Variants in EIF5A2 observed in about 807,000 individuals in gnomAD.
EIF5A2 encodes the protein eukaryotic translation initiation factor 5A2, also known as eukaryotic translation initiation factor 5A-2.
In EIF5A2, 15 loss-of-function variants were observed where a neutral mutation model predicts 16.4. The observed-to-expected ratio is 0.92, with a 90% confidence interval of 0.61 to 1.41. The LOEUF is 1.41. EIF5A2 is among the 40% of genes most tolerant of loss of function. EIF5A2 has a pLI of 0.00. For synonymous variants in EIF5A2, 48 were observed against 61.1 expected (o/e 0.79, Z 1.00); for missense variants, 144 against 189.5 (o/e 0.76, Z 1.41).
rs1446685013 is a variant in EIF5A2, at chr3:170,890,584, G to A, written c.*2776C>T. 2.0e-5 allele frequency: 3 copies of A among 152,092 alleles called. No homozygotes were observed. Among genetic ancestry groups the A allele is most frequent in the Non-Finnish European group, 4.4e-5 (3 of 67,954 alleles). The allele number at this position is 152,092 out of a possible 1,614,324, so 9.4% of individuals were successfully genotyped here. On this transcript the variant is annotated 3_prime_UTR_variant, in exon 5 of 5. Coordinates refer to ENST00000295822, the MANE Select transcript of EIF5A2 (RefSeq NM_020390.6). ...TATGATCTATGTTGTAGCAAATAAG[G>A]TATAACAAAGTCTTCACAGTATAAA...
chr3:170,907,391 CTAAA>C (rs1445151079), intron 2 of EIF5A2, among the ~76,000 whole-genome samples: 1 of 152,056 alleles, frequency 6.6e-6, no homozygotes. Flanking sequence ...CATCTGTAAA[CTAAA>C]TAGATCTTAT....
chr3:170,896,709 C>G (rs915915965), intron 3 of EIF5A2, among the ~76,000 whole-genome samples: 1 of 152,032 alleles, frequency 6.6e-6, no homozygotes. Flanking sequence ...TGAAAAAGGA[C>G]TAATACAGAA....
At chr3:170,902,398 CTTTTTTTTTTTTTT>C (rs36044967) in intron 3 of EIF5A2, among the ~76,000 whole-genome samples, 1 of 91,378 alleles carries the variant, frequency 1.1e-5, no homozygotes, top group African/African-American at 4.9e-5. Context: ...GCCATTCAGC[CTTTTTTTTTTTTTT>C]TTTTTTTTTT....
rs1265203843 is a variant in EIF5A2 at position 170,892,907 on chromosome 3, G to C, written c.*453C>G. On this transcript the variant is annotated 3_prime_UTR_variant, in exon 5 of 5. Transcript: ENST00000295822. ...GATTTGTGTTTGCCCTACACAGGCT[G>C]AAAGTGCAACAATTCCAATATATAA... The C allele has an allele frequency of 5.0e-6, 2 of 398,946 alleles. No individual in the cohort carries two copies. Among genetic ancestry groups the C allele is most frequent in the Non-Finnish European group, 8.8e-6 (2 of 226,180 alleles). The allele number at this position is 398,946 out of a possible 1,614,324, so 24.7% of individuals were successfully genotyped here.
Position 170,894,417 on chromosome 3 carries a change from A to C in EIF5A2, c.277T>G (p.Cys93Gly), listed in dbSNP as rs752252330. The change falls in exon 4 of 5, where the codon TGC becomes GGC. Residue 93 changes from cysteine to glycine, a missense_variant. Cys to Gly is a radical substitution (Grantham distance 159). Transcript: ENST00000295822. ...NIKRNDYQLI[C>G]IQDGYLSLLT... ...AGGGAAAGGTAACCATCTTGAATGC[A>C]TATCAGCTATTAGAAGAAATTATAT... 3.7e-6 allele frequency: 6 copies of C among 1,613,860 alleles called. No individual in the cohort carries two copies. In the South Asian group the frequency reaches 5.5e-5, roughly 15 times the overall value.
In EIF5A2 at chr3:170,891,550, TTC is replaced by T. The variant is rs1025037150; in HGVS notation, c.*1808_*1809del. On this transcript the variant is annotated 3_prime_UTR_variant, in exon 5 of 5. Transcript: ENST00000295822. ...AATTAAGCAACTAAAACTTGGGATC[TTC>T]TGTTACTAATGCTATTTCCAGTCAC... 2 of 145,774 alleles carry T rather than the reference TTC, an allele frequency of 1.4e-5. No individual in the cohort carries two copies. Among genetic ancestry groups the T allele is most frequent in the African/African-American group, 4.9e-5 (2 of 41,150 alleles). 9.0% of individuals were successfully genotyped at this position (145,774 alleles called of 1,614,324 possible). A position where few individuals can be genotyped will look rare whatever the true frequency, so the allele number is the denominator to read the frequency against.
In EIF5A2 at chr3:170,891,962, A is replaced by C. The variant is rs1712545095; in HGVS notation, c.*1398T>G. 1 of 152,652 alleles carries C rather than the reference A, an allele frequency of 6.6e-6. No individual in the cohort carries two copies. Among genetic ancestry groups the C allele is most frequent in the Admixed American group, 6.5e-5 (1 of 15,276 alleles). The allele number at this position is 152,652 out of a possible 1,614,324, so 9.5% of individuals were successfully genotyped here. A position where few individuals can be genotyped will look rare whatever the true frequency, so the allele number is the denominator to read the frequency against. On this transcript the variant is annotated 3_prime_UTR_variant, in exon 5 of 5. Coordinates refer to ENST00000295822, the MANE Select transcript of EIF5A2 (RefSeq NM_020390.6). The stretch of plus-strand genomic sequence containing the variant: ...ATCAGAAAAAATGCATATACTTAAA[A>C]TAACTTAACTTAAATAATAATATTC...
chr3:170,897,374 C>G lies in EIF5A2; in HGVS notation c.271-2951G>C, dbSNP rs1229471376. Among the ~76,000 whole-genome samples, 3 of 152,296 alleles carry G rather than the reference C, an allele frequency of 2.0e-5. No homozygotes were observed. The East Asian group carries it at 5.8e-4, about 29-fold the overall frequency. ...GCATTCCAGATATCTTCATGGCATCCCCTCCCAACACAGGTCCAGAGGCCT... is the reference window on the plus strand; with the variant it reads ...GCATTCCAGATATCTTCATGGCATCGCCTCCCAACACAGGTCCAGAGGCCT... On this transcript the variant is annotated intron_variant, in intron 3 of 4. Transcript: ENST00000295822.
At chr3:170,899,398 A>AT (rs938167081) in intron 3 of EIF5A2, among the ~76,000 whole-genome samples, 49 of 150,104 alleles carry the variant, frequency 3.3e-4, no homozygotes, top group African/African-American at 1.0e-3. Context: ...GCCTGTTGGG[A>AT]TTTTTTTTAT....
intron 3 of EIF5A2, among the ~76,000 whole-genome samples, chr3:170,901,599 G>A (rs577879275): frequency 6.8e-6 from 1 of 146,698 alleles, no homozygotes; most frequent in African/African-American, 2.5e-5. Context: ...TGGCTCTGTC[G>A]CCAGGCTGGA....
At position 170,889,117 on chromosome 3, in the gene EIF5A2, T is replaced by C. The variant is rs966559022; in HGVS notation, c.*4243A>G. On this transcript the variant is annotated 3_prime_UTR_variant, in exon 5 of 5. Coordinates refer to ENST00000295822, the MANE Select transcript of EIF5A2 (RefSeq NM_020390.6). ...TTCTAAGGAGGAGAATAGTGGTAGA[T>C]GGCAAAGTTGGCAACAAGTATGTTT... 1 of 139,588 alleles carries C rather than the reference T, an allele frequency of 7.2e-6. No homozygotes were observed. The highest frequency in any genetic ancestry group is 1.5e-5 in the Non-Finnish European group (1 of 66,484). The allele number at this position is 139,588 out of a possible 1,614,324, so 8.6% of individuals were successfully genotyped here. A position where few individuals can be genotyped will look rare whatever the true frequency, so the allele number is the denominator to read the frequency against.
At position 170,893,371 on chromosome 3, in the gene EIF5A2, G is replaced by C; in HGVS notation, c.451C>G (p.Pro151Ala). ...CCTGATGTTTCCGTTTATTTGCAGG[G>C]TTTTATGGCTACAGCATATTCTTCA... ...MSEEYAVAIKPCK is the reference protein window; with the variant it reads ...MSEEYAVAIKACK The change falls in exon 5 of 5, where the codon CCC becomes GCC. Residue 151 changes from proline to alanine, a missense_variant. Coordinates refer to ENST00000295822, the MANE Select transcript of EIF5A2 (RefSeq NM_020390.6). The C allele has an allele frequency of 6.2e-7, 1 of 1,613,892 alleles. No homozygotes were observed. Among genetic ancestry groups the C allele is most frequent in the Non-Finnish European group, 8.5e-7 (1 of 1,179,962 alleles).
Position 170,889,110 on chromosome 3 carries a change from T to A in EIF5A2, c.*4250A>T, listed in dbSNP as rs1392061189. On this transcript the variant is annotated 3_prime_UTR_variant, in exon 5 of 5. Coordinates refer to ENST00000295822, the MANE Select transcript of EIF5A2 (RefSeq NM_020390.6). The stretch of plus-strand genomic sequence containing the variant: ...CTACCTGTTCTAAGGAGGAGAATAG[T>A]GGTAGATGGCAAAGTTGGCAACAAG... 5.6e-5 allele frequency: 7 copies of A among 125,244 alleles called. No homozygotes were observed. The highest frequency in any genetic ancestry group is 2.1e-4 in the African/African-American group (7 of 32,964). 7.8% of individuals were successfully genotyped at this position (125,244 alleles called of 1,614,324 possible).
Position 170,892,480 on chromosome 3 carries a change from A to T in EIF5A2, c.*880T>A. On this transcript the variant is annotated 3_prime_UTR_variant, in exon 5 of 5. Coordinates refer to ENST00000295822, the MANE Select transcript of EIF5A2 (RefSeq NM_020390.6). Reference sequence around the variant, plus strand: ...TGGAAAGGAGTATTTACTGATAAATATTACTATTTATTCAACATAGTTGGA... The same window carrying T: ...TGGAAAGGAGTATTTACTGATAAATTTTACTATTTATTCAACATAGTTGGA... 3.7e-6 allele frequency: 1 copy of T among 270,766 alleles called. No homozygotes were observed. The highest frequency in any genetic ancestry group is 2.2e-5 in the African/African-American group (1 of 45,662). The allele number at this position is 270,766 out of a possible 1,614,324, so 16.8% of individuals were successfully genotyped here.
Position 170,893,403 on chromosome 3 carries a change from G to A in EIF5A2, c.419C>T (p.Ala140Val). ...GGCTACAGCATATTCTTCACTCATT[G>A]CACACATGACAGACACCTAGAAGGA... Reference protein sequence around the residue: ...GEDVQVSVMCAMSEEYAVAIK... With the variant: ...GEDVQVSVMCVMSEEYAVAIK... Residue 140 changes from alanine (A) to valine (V), a missense_variant, in exon 5 of 5, where the codon GCA becomes GTA. Coordinates refer to ENST00000295822, the MANE Select transcript of EIF5A2 (RefSeq NM_020390.6). 1 of 1,613,812 alleles carries A rather than the reference G, an allele frequency of 6.2e-7. No homozygotes were observed. The highest frequency in any genetic ancestry group is 8.5e-7 in the Non-Finnish European group (1 of 1,179,944).
At chr3:170,904,496 C>T (rs1712885108) in intron 3 of EIF5A2, among the ~76,000 whole-genome samples, 1 of 152,038 alleles carries the variant, frequency 6.6e-6, no homozygotes, top group Non-Finnish European at 1.5e-5. Context: ...GAAAGGCCCA[C>T]AGAACTTTTG....
rs34403814 is a variant in EIF5A2 at position 170,892,428 on chromosome 3, C to CA, written c.*931dup. The CA allele has an allele frequency of 0.025, 2,033 of 80,962 alleles. 84 individuals carry two copies. Among genetic ancestry groups the CA allele is most frequent in the South Asian group, 0.058 (125 of 2,166 alleles). 5.0% of individuals were successfully genotyped at this position (80,962 alleles called of 1,614,324 possible). A position where few individuals can be genotyped will look rare whatever the true frequency, so the allele number is the denominator to read the frequency against. On this transcript the variant is annotated 3_prime_UTR_variant, in exon 5 of 5. Coordinates refer to ENST00000295822, the MANE Select transcript of EIF5A2 (RefSeq NM_020390.6). ...TGGCTGATGGAGTGAGACTCAGTCT[C>CA]AAAAAAAAAAAAAAAAAAAAGGAAG...
chr3:170,897,747 G>T (rs898140792), intron 3 of EIF5A2, among the ~76,000 whole-genome samples: 4 of 152,256 alleles, frequency 2.6e-5, no homozygotes, highest in Non-Finnish European at 5.9e-5. Context: ...TGTCAGGTTA[G>T]ATCCCCCACA....
intron 1 of EIF5A2, among the ~76,000 whole-genome samples, chr3:170,908,140 G>A (rs1232013743): frequency 6.6e-6 from 1 of 152,162 alleles, no homozygotes; most frequent in Non-Finnish European, 1.5e-5. Context: ...CGCAGAAGCC[G>A]GCGACCTTCC....
Sources: allele counts gnomAD v4.1 joint callset (sites outside exome capture counted in the v4.1 genomes callset), GRCh38; gene constraint gnomAD v4.1.1; transcripts MANE v1.5; gene names NCBI Gene and HGNC (gene_info 2026-07-23, HGNC 2026-07-21).